PLCL1: variants seen among roughly 807,000 people sequenced by gnomAD.
PLCL1 encodes the protein inactive phospholipase C-like protein 1.
PLCL1 carries 41 observed loss-of-function variants against 84.4 expected under a neutral mutation model. The observed-to-expected ratio is 0.49, with a 90% CI of 0.38 to 0.63. The LOEUF (loss-of-function observed/expected upper bound fraction) is 0.63, where lower values mean the gene tolerates loss of function less well. Ranked by LOEUF, PLCL1 falls within the 30% of genes least tolerant of loss-of-function variation. PLCL1 has a pLI of 0.00. For missense variants in PLCL1, 1,206 were observed against 1,367.8 expected, an observed-to-expected ratio of 0.88 and a Z score of 1.87; for synonymous variants, 490 against 488.3, an observed-to-expected ratio of 1.00 and a Z score of -0.05.
Position 197,832,937 on chromosome 2 carries a change from C to T in PLCL1, c.240+27598C>T, listed in dbSNP as rs186937851. 5.0e-4 allele frequency among the ~76,000 whole-genome samples: 76 copies of T among 152,176 alleles called. 2 individuals are homozygous for T. In the South Asian group the frequency reaches 1.0e-2, roughly 20 times the overall value. ...TCTCAATAGATGCAGAAAAGGCCTTCGATAAAATTTGGCCAGGTGCGGTGG... is the reference window on the plus strand; with the variant it reads ...TCTCAATAGATGCAGAAAAGGCCTTTGATAAAATTTGGCCAGGTGCGGTGG... On this transcript the variant is annotated intron_variant, in intron 1 of 5. Transcript: ENST00000428675.
intron 1 of PLCL1, among the ~76,000 whole-genome samples, chr2:198,013,811 T>A: frequency 6.6e-6 from 1 of 152,128 alleles, no homozygotes. Context: ...AAAACAATAT[T>A]TTGTGTGAAC....
chr2:198,126,949 T>C (rs967529742), intron 5 of PLCL1, among the ~76,000 whole-genome samples: 2 of 150,454 alleles, frequency 1.3e-5, no homozygotes, highest in Non-Finnish European at 3.0e-5. Flanking sequence ...GATTGGCAGG[T>C]GAGGGACGCT....
intron 1 of PLCL1, among the ~76,000 whole-genome samples, chr2:198,064,469 T>G (rs1296503216): frequency 6.6e-6 from 1 of 152,222 alleles, no homozygotes; most frequent in African/African-American, 2.4e-5. Flanking sequence ...GTGAACTTTA[T>G]GTTTTTATTC....
At chr2:197,891,132 A>G (rs1688019086) in intron 1 of PLCL1, among the ~76,000 whole-genome samples, 1 of 152,062 alleles carries the variant, frequency 6.6e-6, no homozygotes, top group Non-Finnish European at 1.5e-5. Flanking sequence ...TGTTGGAGAT[A>G]CAGAGATACA....
chr2:197,820,422 T>C (rs1690793228), intron 1 of PLCL1, among the ~76,000 whole-genome samples: 1 of 152,234 alleles, frequency 6.6e-6, no homozygotes, highest in South Asian at 2.1e-4. Flanking sequence ...GTGTAAGATA[T>C]TAAAATAAGA....
At chr2:198,021,659 T>C (rs1023601322) in intron 1 of PLCL1, among the ~76,000 whole-genome samples, 1 of 152,054 alleles carries the variant, frequency 6.6e-6, no homozygotes, top group Admixed American at 6.5e-5. Context: ...ATGGATAAAT[T>C]CCTGGACACA....
intron 5 of PLCL1, among the ~76,000 whole-genome samples, chr2:198,136,636 A>T (rs1037668598): frequency 6.6e-6 from 1 of 152,040 alleles, no homozygotes; most frequent in Non-Finnish European, 1.5e-5. Context: ...GCTTATGTGG[A>T]AGGCTTGTGG....
chr2:198,037,615 T>C (rs1038268930), intron 1 of PLCL1, among the ~76,000 whole-genome samples: 7 of 152,232 alleles, frequency 4.6e-5, no homozygotes, highest in African/African-American at 1.4e-4. Context: ...TCGAGGATAA[T>C]AGGCACCTAT....
intron 5 of PLCL1, among the ~76,000 whole-genome samples, chr2:198,120,240 G>T (rs1693837009): frequency 6.6e-6 from 1 of 151,914 alleles, no homozygotes; most frequent in Non-Finnish European, 1.5e-5. Flanking sequence ...AGATGTTTTG[G>T]TACAGACATG....
At chr2:198,057,773 C>A (rs898253911) in intron 1 of PLCL1, among the ~76,000 whole-genome samples, 1 of 152,072 alleles carries the variant, frequency 6.6e-6, no homozygotes, top group African/African-American at 2.4e-5. Context: ...CTAGGCGTGG[C>A]GAGAAATAGT....
intron 1 of PLCL1, among the ~76,000 whole-genome samples, chr2:198,078,703 G>T (rs539422808): frequency 6.6e-6 from 1 of 151,970 alleles, no homozygotes; most frequent in South Asian, 2.1e-4. Context: ...AATCATTTTA[G>T]AACTGTTTGC....
At chr2:197,919,414 A>C (rs183059028) in intron 1 of PLCL1, among the ~76,000 whole-genome samples, 1 of 152,348 alleles carries the variant, frequency 6.6e-6, no homozygotes. Context: ...GTTTACTATC[A>C]TGATGTTTTA....
chr2:197,944,253 GAGA>G (rs1689226636), intron 1 of PLCL1, among the ~76,000 whole-genome samples: 1 of 152,018 alleles, frequency 6.6e-6, no homozygotes, highest in Non-Finnish European at 1.5e-5. Flanking sequence ...TGTCTCTTCA[GAGA>G]AGAATTCTCA....
At chr2:197,893,472 A>G (rs1688070095) in intron 1 of PLCL1, among the ~76,000 whole-genome samples, 1 of 152,206 alleles carries the variant, frequency 6.6e-6, no homozygotes, top group Non-Finnish European at 1.5e-5. Context: ...ACATTCCTAT[A>G]GCACGTTAGG....
chr2:197,911,212 T>A (rs890187524), intron 1 of PLCL1, among the ~76,000 whole-genome samples: 1 of 152,004 alleles, frequency 6.6e-6, no homozygotes, highest in Non-Finnish European at 1.5e-5. Context: ...TGCTTGCCTC[T>A]TTAGTCCCAG....
chr2:197,983,204 T>TTTTC (rs1690153060), intron 1 of PLCL1, among the ~76,000 whole-genome samples: 2 of 10,948 alleles, frequency 1.8e-4, no homozygotes, highest in African/African-American at 1.0e-3. Context: ...TCTTTTCTTT[T>TTTTC]TTTTTTTTTT....
At chr2:197,994,926 G>T (rs1690427097) in intron 1 of PLCL1, among the ~76,000 whole-genome samples, 2 of 152,138 alleles carry the variant, frequency 1.3e-5, no homozygotes, top group Admixed American at 1.3e-4. Flanking sequence ...AAGAAAGGAG[G>T]AACCTGTCAT....
chr2:197,812,599 G>A (rs1269012228), intron 1 of PLCL1, among the ~76,000 whole-genome samples: 1 of 152,160 alleles, frequency 6.6e-6, no homozygotes, highest in Non-Finnish European at 1.5e-5. Flanking sequence ...TCTTTCAAAA[G>A]CCTTTTAAAG....
At chr2:197,997,716 C>G (rs1030827523) in intron 1 of PLCL1, among the ~76,000 whole-genome samples, 1 of 152,166 alleles carries the variant, frequency 6.6e-6, no homozygotes, top group Admixed American at 6.6e-5. Flanking sequence ...GCATGCCAAT[C>G]ATGACCTTTA....
Sources: allele counts gnomAD v4.1 joint callset (sites outside exome capture counted in the v4.1 genomes callset), GRCh38; gene constraint gnomAD v4.1.1; transcripts MANE v1.5; gene names NCBI Gene and HGNC (gene_info 2026-07-23, HGNC 2026-07-21).